Variants in PCDH15 observed in about 807,000 individuals in gnomAD.
PCDH15 encodes protocadherin-15.
In PCDH15, 129 loss-of-function variants were observed where a neutral mutation model predicts 178.5. The ratio of observed to expected loss-of-function variants is 0.72; its 90% CI spans 0.63 to 0.84. The LOEUF (loss-of-function observed/expected upper bound fraction) is 0.84. PCDH15 is among the 40% of genes least tolerant of loss of function. The pLI is 0.00. For missense variants in PCDH15, 2,230 were observed against 2,099.9 expected, an observed-to-expected ratio of 1.06 and a Z score of -1.21; for synonymous variants, 800 against 732.0, an observed-to-expected ratio of 1.09 and a Z score of -1.50.
chr10:55,266,362 T>G lies in PCDH15; in HGVS notation c.-156+53237A>C, dbSNP rs1842294539. Among the ~76,000 whole-genome samples the G allele has an allele frequency of 2.0e-5, 3 of 152,096 alleles. No individual in the cohort carries two copies. In the South Asian group the frequency reaches 6.2e-4, roughly 32 times the overall value. On this transcript the variant is annotated intron_variant, in intron 1 of 5. Transcript: ENST00000458638. ...AACAACACCCCCTGTCACCAGGAAG[T>G]AGCTTAAGACTAGTCATCATCCATA...
intron 2 of PCDH15, among the ~76,000 whole-genome samples, chr10:54,992,476 G>A (rs771346839): frequency 6.6e-6 from 1 of 152,128 alleles, no homozygotes; most frequent in Non-Finnish European, 1.5e-5. Context: ...AAGTTGATCG[G>A]GCGCAGCGGC....
intron 2 of PCDH15, among the ~76,000 whole-genome samples, chr10:55,035,888 C>T (rs11004690): frequency 0.071 from 10,857 of 152,052 alleles, 518 homozygotes; most frequent in East Asian, 0.25. Flanking sequence ...TTGGTCATGA[C>T]CTATGATTGA....
intron 1 of PCDH15, among the ~76,000 whole-genome samples, chr10:54,698,682 GATA>G (rs568215507): frequency 5.4e-4 from 82 of 152,172 alleles, no homozygotes; most frequent in Non-Finnish European, 1.0e-3. Context: ...GTAAAATGAA[GATA>G]ATAACAGCTA....
At chr10:55,356,656 A>G (rs1256237952) in intron 2 of PCDH15, among the ~76,000 whole-genome samples, 2 of 151,926 alleles carry the variant, frequency 1.3e-5, no homozygotes, top group African/African-American at 4.8e-5. Flanking sequence ...AAAATAACAG[A>G]CGTTGTTTAC....
At chr10:54,358,225 G>A (rs1278544022) in intron 5 of PCDH15, among the ~76,000 whole-genome samples, 2 of 150,930 alleles carry the variant, frequency 1.3e-5, no homozygotes, top group African/African-American at 4.9e-5. Flanking sequence ...AGAGTGAACA[G>A]GCAACCTACA....
chr10:54,033,017 G>A (rs1209613080), intron 18 of PCDH15, among the ~76,000 whole-genome samples: 2 of 151,680 alleles, frequency 1.3e-5, no homozygotes, highest in East Asian at 2.0e-4. Flanking sequence ...CAGTCACCCC[G>A]CTCCTTGGAC....
At position 55,469,576 on chromosome 10, in the gene PCDH15, A is replaced by G. The variant is rs555410658; in HGVS notation, c.-156+158049T>C. Among the ~76,000 whole-genome samples, 9 of 152,152 alleles carry G rather than the reference A, an allele frequency of 5.9e-5. No homozygotes were observed. The South Asian group carries it at 1.9e-3, about 32-fold the overall frequency. ...TATTGAATATTGCTCAGTTTTATAT[A>G]ATTATTTTCCATTAAGGAAATTTAA... On this transcript the variant is annotated intron_variant, in intron 2 of 5. Coordinates refer to the PCDH15 transcript ENST00000613346.
rs1397917496 is a variant in PCDH15, at chr10:54,607,082, A to T, written c.91+57090T>A. 3.3e-5 allele frequency: 5 copies of T among 152,268 alleles called. No individual in the cohort carries two copies. The East Asian group carries it at 9.7e-4, about 29-fold the overall frequency. The allele number at this position is 152,268 out of a possible 1,614,324, so 9.4% of individuals were successfully genotyped here. A position where few individuals can be genotyped will look rare whatever the true frequency, so the allele number is the denominator to read the frequency against. ...AAAGATTTATTAACATAAGTAATAA[A>T]GGTCTTTTAGTTGTCAAAGTAACTT... On this transcript the variant is annotated intron_variant, in intron 2 of 37. Coordinates refer to ENST00000644397, the MANE Select transcript of PCDH15 (RefSeq NM_001384140.1).
At chr10:55,532,731 A>G (rs1203007457) in intron 2 of PCDH15, among the ~76,000 whole-genome samples, 2 of 152,156 alleles carry the variant, frequency 1.3e-5, no homozygotes, top group African/African-American at 4.8e-5. Flanking sequence ...CAAGATGGGA[A>G]CAGGTGTTTG....
intron 9 of PCDH15, among the ~76,000 whole-genome samples, chr10:54,227,239 A>G (rs2053556651): frequency 6.6e-6 from 1 of 152,204 alleles, no homozygotes; most frequent in African/African-American, 2.4e-5. Context: ...CTTCTGCCTT[A>G]ACATACAAGG....
intron 2 of PCDH15, among the ~76,000 whole-genome samples, chr10:54,598,472 C>T (rs1270970419): frequency 6.6e-6 from 1 of 151,894 alleles, no homozygotes; most frequent in Non-Finnish European, 1.5e-5. Flanking sequence ...AGGAATATAC[C>T]TCAAAATAAT....
chr10:54,343,106 TG>T (rs1942562310), intron 6 of PCDH15, among the ~76,000 whole-genome samples: 1 of 152,182 alleles, frequency 6.6e-6, no homozygotes, highest in Non-Finnish European at 1.5e-5. Flanking sequence ...AAGGCATGAT[TG>T]GTTCTGAAAT....
intron 2 of PCDH15, among the ~76,000 whole-genome samples, chr10:55,336,102 A>T (rs988172951): frequency 7.1e-6 from 1 of 141,206 alleles, no homozygotes; most frequent in African/African-American, 2.6e-5. Flanking sequence ...ATGCTATCCC[A>T]AAATATGGCA....
intron 2 of PCDH15, among the ~76,000 whole-genome samples, chr10:55,460,031 G>C (rs1160158112): frequency 1.3e-5 from 2 of 151,936 alleles, no homozygotes; most frequent in African/African-American, 4.8e-5. Context: ...AGAAAAACCA[G>C]AACAGAACCC....
At chr10:53,820,024 T>G (rs1564525930) in intron 33 of PCDH15, 141 bp downstream of exon 33, 1 of 389,146 alleles carries the variant, frequency 2.6e-6, no homozygotes, top group Non-Finnish European at 4.5e-6. Flanking sequence ...CACAAATATG[T>G]TTTTTGGACT....
intron 1 of PCDH15, among the ~76,000 whole-genome samples, chr10:54,744,925 A>G (rs537048836): frequency 3.5e-4 from 53 of 152,220 alleles, no homozygotes; most frequent in African/African-American, 1.3e-3. Context: ...TTGTTTACAG[A>G]CATTTTGTGT....
At chr10:54,358,791 G>C (rs1945487121) in intron 5 of PCDH15, among the ~76,000 whole-genome samples, 1 of 151,854 alleles carries the variant, frequency 6.6e-6, no homozygotes. Context: ...ACTGGATTAA[G>C]AAAATGTGGC....
At chr10:54,600,569 C>T in intron 2 of PCDH15, 7 of 586,812 alleles carry the variant, frequency 1.2e-5, no homozygotes, top group South Asian at 9.6e-5. Flanking sequence ...CTGTAACCAT[C>T]ACTCAAATGG....
rs189070440 is a variant in PCDH15, at chr10:54,964,912, T to G, written c.-79-67412A>C. 3.3e-5 allele frequency among the ~76,000 whole-genome samples: 5 copies of G among 152,300 alleles called. No individual in the cohort carries two copies. In the East Asian group the frequency reaches 9.7e-4, roughly 29 times the overall value. On this transcript the variant is annotated intron_variant, in intron 2 of 5. Transcript: ENST00000458638. ...TCAGCAGTCAGAAAGAGCAGCCAACTCTGAGATAATGTGTTACAACTTCTG... is the reference window on the plus strand; with the variant it reads ...TCAGCAGTCAGAAAGAGCAGCCAACGCTGAGATAATGTGTTACAACTTCTG...
Sources: gnomAD v4.1 joint callset for allele counts (sites outside exome capture counted in the v4.1 genomes callset) on GRCh38, gnomAD v4.1.1 for gene constraint, MANE v1.5 for transcripts, NCBI Gene and HGNC (gene_info 2026-07-23, HGNC 2026-07-21) for gene names.